Variants in RGS22 observed in about 807,000 individuals in gnomAD.
The protein encoded by RGS22 is regulator of G protein signaling 22.
In RGS22, 148 loss-of-function variants were observed where a neutral mutation model predicts 172.9. The ratio of observed to expected loss-of-function variants is 0.86; its 90% CI spans 0.75 to 0.98. The LOEUF is 0.98. RGS22 is among the 50% of genes least tolerant of loss of function. The probability of loss-of-function intolerance (pLI) is 0.00; values close to 1 mark genes in which losing one functional copy is unlikely to be tolerated. For synonymous variants in RGS22, 458 were observed against 480.2 expected (o/e 0.95, Z 0.60); for missense variants, 1,347 against 1,440.8 (o/e 0.93, Z 1.05).
intron 2 of RGS22, among the ~76,000 whole-genome samples, chr8:100,100,927 C>T (rs912067482): frequency 1.3e-5 from 2 of 152,076 alleles, no homozygotes; most frequent in Non-Finnish European, 2.9e-5. Flanking sequence ...CCAGTTTTAA[C>T]GTTAATAAAA....
intron 22 of RGS22, 99 bp downstream of exon 22, chr8:99,981,838 A>G (rs1347103706): frequency 1.9e-6 from 2 of 1,079,262 alleles, no homozygotes; most frequent in Admixed American, 5.5e-5. Context: ...CTGGGATTAC[A>G]GGCGTGAGCC....
chr8:100,059,100 A>G (rs1373347141), intron 9 of RGS22, among the ~76,000 whole-genome samples: 1 of 152,172 alleles, frequency 6.6e-6, no homozygotes, highest in Admixed American at 6.5e-5. Flanking sequence ...ATAAGATAGT[A>G]TTTGCCAGCC....
intron 4 of RGS22, among the ~76,000 whole-genome samples, chr8:100,073,262 C>A (rs924866379): frequency 3.9e-5 from 6 of 152,122 alleles, no homozygotes; most frequent in African/African-American, 1.4e-4. Flanking sequence ...TAGACCATTA[C>A]AAACTCTAGT....
chr8:100,033,720 A>C (rs953048209), intron 14 of RGS22, among the ~76,000 whole-genome samples: 1 of 143,580 alleles, frequency 7.0e-6, no homozygotes, highest in Admixed American at 7.3e-5. Context: ...TCAATAAAAT[A>C]ATGGCAAACC....
chr8:100,042,887 T>C (rs1820286233), intron 11 of RGS22: 1 of 152,044 alleles, frequency 6.6e-6, no homozygotes, highest in African/African-American at 2.4e-5. Flanking sequence ...TTGTGACTAA[T>C]GAGATACAAA....
In RGS22 at chr8:100,105,900, C is replaced by A. The variant is rs899255427; in HGVS notation, c.22G>T (p.Ala8Ser). Residue 8 changes from alanine (A) to serine (S), a missense_variant, in exon 1 of 28, where the codon GCG becomes TCG. Coordinates refer to ENST00000360863, the MANE Select transcript of RGS22 (RefSeq NM_015668.5). MPEKRLT[A>S]EPPTITEEEF... is the part of the protein sequence containing the mutation. ...TCCCTGTGGGGCCGCCACCTACCCG[C>A]GGTGAGCCTCTTCTCGGGCATGCCG... 8.0e-6 allele frequency: 12 copies of A among 1,499,982 alleles called. No homozygotes were observed. In the African/African-American group the frequency reaches 1.3e-4, roughly 16 times the overall value. The allele number at this position is 1,499,982 out of a possible 1,614,324, so 92.9% of individuals were successfully genotyped here.
chr8:99,964,825 A>G (rs1273129025), intron 24 of RGS22, among the ~76,000 whole-genome samples: 1 of 152,226 alleles, frequency 6.6e-6, no homozygotes, highest in African/African-American at 2.4e-5. Context: ...TCAAAAATAG[A>G]CATAAGTTAA....
intron 2 of RGS22, among the ~76,000 whole-genome samples, chr8:100,102,791 G>A (rs1178291218): frequency 2.0e-5 from 3 of 152,236 alleles, no homozygotes; most frequent in African/African-American, 4.8e-5. Context: ...ATCAAAAACA[G>A]TAAGAATGTT....
At chr8:100,056,681 C>T (rs1016113649) in intron 9 of RGS22, among the ~76,000 whole-genome samples, 2 of 152,164 alleles carry the variant, frequency 1.3e-5, no homozygotes, top group East Asian at 1.9e-4. Context: ...GTTGAGCCTG[C>T]AGGTGCACAG....
chr8:99,997,001 C>A (rs1474678147), intron 19 of RGS22, among the ~76,000 whole-genome samples: 1 of 152,186 alleles, frequency 6.6e-6, no homozygotes, highest in African/African-American at 2.4e-5. Flanking sequence ...TTGACTCTAT[C>A]TCCCTGTCCA....
chr8:100,050,419 A>T (rs1821157145), intron 10 of RGS22, among the ~76,000 whole-genome samples: 1 of 152,308 alleles, frequency 6.6e-6, no homozygotes, highest in Middle Eastern at 3.4e-3. Context: ...AGGTGATTCT[A>T]ATGTTTCCAG....
At chr8:100,043,061 G>A (rs1820310387) in intron 11 of RGS22, among the ~76,000 whole-genome samples, 1 of 152,142 alleles carries the variant, frequency 6.6e-6, no homozygotes, top group African/African-American at 2.4e-5. Flanking sequence ...CAAAGATTCA[G>A]GCCCTAATCT....
At position 100,063,594 on chromosome 8, in the gene RGS22, C is replaced by A; in HGVS notation, c.1174G>T (p.Ala392Ser). The A allele has an allele frequency of 5.6e-6, 9 of 1,614,016 alleles. No homozygotes were observed. The highest frequency in any genetic ancestry group is 7.6e-6 in the Non-Finnish European group (9 of 1,179,960). ...CAGTCCGCCCTGCTCTCTGGTCCAG[C>A]GCTCTCATTCTTTGAACTTAAACTT... Reference protein sequence around the residue: ...QTSLSSKNESAGPESRADWCI... With the variant: ...QTSLSSKNESSGPESRADWCI... Residue 392 changes from alanine (A) to serine (S), a missense_variant, in exon 8 of 28, where the codon GCT becomes TCT. By Grantham distance (99) the Ala-to-Ser change is moderately conservative. Coordinates refer to ENST00000360863, the MANE Select transcript of RGS22 (RefSeq NM_015668.5).
chr8:100,053,467 A>C (rs1586145807), intron 9 of RGS22, among the ~76,000 whole-genome samples: 1 of 103,120 alleles, frequency 9.7e-6, no homozygotes, highest in Non-Finnish European at 1.9e-5. Context: ...GGAGAGAGGG[A>C]GGGAGGGAGG....
intron 20 of RGS22, among the ~76,000 whole-genome samples, chr8:99,993,850 G>A (rs553574486): frequency 2.6e-4 from 40 of 152,104 alleles, no homozygotes; most frequent in Non-Finnish European, 1.5e-4. Flanking sequence ...GACAAACATC[G>A]ATGCGAAAAT....
chr8:99,983,514 G>A (rs1230567646), intron 21 of RGS22, among the ~76,000 whole-genome samples: 1 of 151,956 alleles, frequency 6.6e-6, no homozygotes, highest in African/African-American at 2.4e-5. Context: ...GGTGTGAGAT[G>A]GTATCTCACT....
intron 7 of RGS22, among the ~76,000 whole-genome samples, chr8:100,065,418 G>T (rs1161312223): frequency 1.3e-5 from 2 of 152,156 alleles, no homozygotes; most frequent in African/African-American, 4.8e-5. Flanking sequence ...CAATTGGGGA[G>T]ATTATTTTCT....
intron 14 of RGS22, among the ~76,000 whole-genome samples, chr8:100,029,649 GC>G (rs1404184759): frequency 7.2e-6 from 1 of 138,636 alleles, no homozygotes; most frequent in Non-Finnish European, 1.5e-5. Flanking sequence ...ATTGCAGTGA[GC>G]CAAGATCATG....
chr8:100,093,649 T>C, intron 2 of RGS22, 140 bp from the exon 3 acceptor site: 1 of 597,756 alleles, frequency 1.7e-6, no homozygotes, highest in Non-Finnish European at 3.0e-6. Flanking sequence ...GAACCCTCAC[T>C]ATAAACTGAA....
Sources: allele counts gnomAD v4.1 joint callset (sites outside exome capture counted in the v4.1 genomes callset), GRCh38; gene constraint gnomAD v4.1.1; transcripts MANE v1.5; gene names NCBI Gene and HGNC (gene_info 2026-07-23, HGNC 2026-07-21).